The following SUPT3H variants were observed in gnomAD, a reference collection of about 807,000 sequenced individuals.
SUPT3H encodes the protein SPT3 homolog, SAGA and STAGA complex component, also known as transcription initiation protein SPT3 homolog.
In SUPT3H, 44 loss-of-function variants were observed where a neutral mutation model predicts 44.3. The observed-to-expected ratio is 0.99, with a 90% confidence interval of 0.78 to 1.28. SUPT3H has a LOEUF of 1.28. Among genes scored for constraint, SUPT3H ranks in the 50% most tolerant of loss-of-function variants. The pLI is 0.00. For missense variants in SUPT3H, 380 were observed against 387.1 expected (o/e 0.98, Z 0.15); for synonymous variants, 124 against 125.6 (o/e 0.99, Z 0.09).
At chr6:44,839,431 G>A (rs1221819563) in intron 10 of SUPT3H, among the ~76,000 whole-genome samples, 1 of 151,782 alleles carries the variant, frequency 6.6e-6, no homozygotes, top group Non-Finnish European at 1.5e-5. Flanking sequence ...TCAGCCTCCT[G>A]AGTAGCTGGG....
chr6:45,256,643 GCTTT>G (rs1402179873), intron 2 of SUPT3H, among the ~76,000 whole-genome samples: 4 of 151,514 alleles, frequency 2.6e-5, no homozygotes, highest in African/African-American at 4.9e-5. Context: ...CCACAAATCT[GCTTT>G]CTGTTGGTAT....
chr6:44,851,943 A>G (rs1328513506), intron 10 of SUPT3H, among the ~76,000 whole-genome samples: 1 of 152,196 alleles, frequency 6.6e-6, no homozygotes, highest in Non-Finnish European at 1.5e-5. Context: ...AGTCTGCCAA[A>G]GAGACAAAGA....
At chr6:45,211,359 A>G (rs1764049351) in intron 2 of SUPT3H, among the ~76,000 whole-genome samples, 1 of 152,168 alleles carries the variant, frequency 6.6e-6, no homozygotes, top group Non-Finnish European at 1.5e-5. Flanking sequence ...TTTATACTGT[A>G]AAGTTTATTA....
intron 4 of SUPT3H, 133 bp downstream of exon 4, chr6:45,020,413 A>T (rs972555386): frequency 1.6e-6 from 1 of 625,100 alleles, no homozygotes; most frequent in African/African-American, 1.9e-5. Flanking sequence ...CGTCCAAACC[A>T]TGAAGACTAA....
chr6:45,310,014 T>C (rs929284809), intron 2 of SUPT3H, among the ~76,000 whole-genome samples: 5 of 152,128 alleles, frequency 3.3e-5, no homozygotes, highest in South Asian at 2.1e-4. Context: ...ACACCTCAAA[T>C]ACTCTGGGAA....
chr6:45,082,364 A>G (rs1291038457), intron 3 of SUPT3H, among the ~76,000 whole-genome samples: 2 of 152,168 alleles, frequency 1.3e-5, no homozygotes, highest in African/African-American at 4.8e-5. Context: ...CTTCAGGCCA[A>G]TATCTCTGAC....
intron 3 of SUPT3H, among the ~76,000 whole-genome samples, chr6:45,025,554 C>A (rs1785838332): frequency 6.6e-6 from 1 of 152,134 alleles, no homozygotes; most frequent in Admixed American, 6.5e-5. Flanking sequence ...AAATTCAGCA[C>A]AAAGATTTCT....
chr6:45,233,298 T>C (rs1219052869), intron 2 of SUPT3H, among the ~76,000 whole-genome samples: 2 of 152,068 alleles, frequency 1.3e-5, no homozygotes, highest in Non-Finnish European at 2.9e-5. Flanking sequence ...GCTCACAGGA[T>C]GTGGAAATAT....
downstream of SUPT3H, among the ~76,000 whole-genome samples, chr6:44,823,828 T>C (rs1767534594): frequency 6.6e-6 from 1 of 152,100 alleles, no homozygotes; most frequent in Non-Finnish European, 1.5e-5. Flanking sequence ...CTGGGCGTGG[T>C]GGCAGGCGCC....
intron 1 of SUPT3H, among the ~76,000 whole-genome samples, chr6:45,368,020 T>C (rs1795441913): frequency 6.6e-6 from 1 of 152,162 alleles, no homozygotes; most frequent in South Asian, 2.1e-4. Flanking sequence ...TCTATTTCCT[T>C]TCTTCTAGAC....
chr6:45,068,621 T>A (rs1225156806), intron 3 of SUPT3H, among the ~76,000 whole-genome samples: 2 of 152,198 alleles, frequency 1.3e-5, no homozygotes, highest in Non-Finnish European at 2.9e-5. Context: ...CATAAGATAC[T>A]GACTAGTTTA....
intron 2 of SUPT3H, among the ~76,000 whole-genome samples, chr6:45,202,328 TA>T (rs1362219388): frequency 2.6e-5 from 4 of 151,720 alleles, no homozygotes; most frequent in African/African-American, 9.7e-5. Context: ...TGAAACGGTT[TA>T]AAAAAAATTT....
intron 3 of SUPT3H, chr6:45,098,116 T>C (rs921120539): frequency 1.3e-5 from 2 of 153,506 alleles, no homozygotes; most frequent in East Asian, 1.9e-4. Context: ...GAAATCTATA[T>C]ATATTAAATA....
intron 10 of SUPT3H, among the ~76,000 whole-genome samples, chr6:44,850,735 G>T (rs1349891120): frequency 7.5e-6 from 1 of 132,938 alleles, no homozygotes; most frequent in Non-Finnish European, 1.6e-5. Context: ...TTTGCTTTTG[G>T]TTTTATATAC....
At chr6:45,276,283 T>TTATAACATTA (rs1477098914) in intron 2 of SUPT3H, among the ~76,000 whole-genome samples, 1 of 152,074 alleles carries the variant, frequency 6.6e-6, no homozygotes. Flanking sequence ...TTAGTACCAT[T>TTATAACATTA]TAACATTTCA....
At chr6:45,284,045 C>T (rs914618511) in intron 2 of SUPT3H, among the ~76,000 whole-genome samples, 3 of 152,086 alleles carry the variant, frequency 2.0e-5, no homozygotes, top group East Asian at 1.9e-4. Context: ...TTGAAACCAA[C>T]GAGAACAAAG....
At chr6:44,974,556 T>A (rs1778053631) in intron 6 of SUPT3H, among the ~76,000 whole-genome samples, 1 of 152,106 alleles carries the variant, frequency 6.6e-6, no homozygotes, top group Non-Finnish European at 1.5e-5. Flanking sequence ...TGCTTCTGGT[T>A]TCAAAACAGA....
intron 6 of SUPT3H, among the ~76,000 whole-genome samples, chr6:44,989,732 T>C (rs1780338670): frequency 6.6e-6 from 1 of 152,120 alleles, no homozygotes; most frequent in African/African-American, 2.4e-5. Flanking sequence ...AGCTTTGATT[T>C]GCATTTCCCT....
intron 2 of SUPT3H, among the ~76,000 whole-genome samples, chr6:45,360,670 T>C (rs77933458): frequency 0.029 from 4,477 of 152,260 alleles, 92 homozygotes; most frequent in Non-Finnish European, 0.047. Flanking sequence ...AATGAATAAA[T>C]GGTCATTGCT....
Sources: allele counts gnomAD v4.1 joint callset (sites outside exome capture counted in the v4.1 genomes callset), GRCh38; gene constraint gnomAD v4.1.1; transcripts MANE v1.5; gene names NCBI Gene and HGNC (gene_info 2026-07-23, HGNC 2026-07-21).